LY86: variants seen among roughly 807,000 people sequenced by gnomAD.
LY86 encodes MD-1, RP105-associated.
A neutral mutation model predicts 17.3 loss-of-function variants in LY86; 20 were observed. That is an observed-to-expected ratio of 1.15 (90% CI 0.81 to 1.68). LY86 has a LOEUF of 1.68. Ranked by LOEUF, LY86 falls within the 40% of genes most tolerant of loss-of-function variation. The pLI is 0.00. For missense variants in LY86, 200 were observed against 191.9 expected, an observed-to-expected ratio of 1.04 and a Z score of -0.25; for synonymous variants, 74 against 70.6, an observed-to-expected ratio of 1.05 and a Z score of -0.24.
At chr6:6,601,828 G>C (rs951995626) in intron 1 of LY86, among the ~76,000 whole-genome samples, 1 of 152,166 alleles carries the variant, frequency 6.6e-6, no homozygotes, top group African/African-American at 2.4e-5. Flanking sequence ...ATTGCCATGT[G>C]GGAATGCAGT....
rs1561778079 is a variant in LY86 at position 6,603,624 on chromosome 6, A to AC, written c.136+14754_136+14755insC. Among the ~76,000 whole-genome samples, 20 of 135,840 alleles carry AC rather than the reference A, an allele frequency of 1.5e-4. 1 individual carries two copies. The highest frequency in any genetic ancestry group is 2.4e-4 in the Non-Finnish European group (15 of 62,090). 89.1% of individuals were successfully genotyped at this position (135,840 alleles called of 152,430 possible). A position where few individuals can be genotyped will look rare whatever the true frequency, so the allele number is the denominator to read the frequency against. ...GAAACAGAAAAAAAAACAAACAAAA[A>AC]AAAACAAAACACACACACACACACA... On this transcript the variant is annotated intron_variant, in intron 1 of 4. Coordinates refer to ENST00000230568, the MANE Select transcript of LY86 (RefSeq NM_004271.4).
At chr6:6,605,178 A>G (rs1309397568) in intron 1 of LY86, among the ~76,000 whole-genome samples, 1 of 152,216 alleles carries the variant, frequency 6.6e-6, no homozygotes, top group Non-Finnish European at 1.5e-5. Flanking sequence ...AATGATGATA[A>G]TGATGAATTT....
At chr6:6,634,283 C>T (rs893086014) in intron 3 of LY86, among the ~76,000 whole-genome samples, 2 of 152,228 alleles carry the variant, frequency 1.3e-5, no homozygotes, top group African/African-American at 4.8e-5. Flanking sequence ...TATGATGACA[C>T]CTTTTGCAAT....
intron 1 of LY86, among the ~76,000 whole-genome samples, chr6:6,601,267 GGA>G (rs1363928780): frequency 6.6e-6 from 1 of 152,146 alleles, no homozygotes; most frequent in African/African-American, 2.4e-5. Context: ...AACAGGCAAC[GGA>G]GAGAGAAGGC....
intron 1 of LY86, among the ~76,000 whole-genome samples, chr6:6,609,110 A>T (rs1761269494): frequency 1.3e-5 from 2 of 152,138 alleles, no homozygotes; most frequent in Non-Finnish European, 2.9e-5. Flanking sequence ...ATCCACCTGT[A>T]AGAGCTTGTA....
intron 1 of LY86, among the ~76,000 whole-genome samples, chr6:6,604,896 C>T (rs1365444517): frequency 6.6e-6 from 1 of 150,416 alleles, no homozygotes; most frequent in Non-Finnish European, 1.5e-5. Flanking sequence ...TATAGACTGA[C>T]AGCTGGCTCC....
intron 3 of LY86, among the ~76,000 whole-genome samples, chr6:6,627,769 A>G (rs1248615326): frequency 6.6e-6 from 1 of 152,170 alleles, no homozygotes; most frequent in African/African-American, 2.4e-5. Flanking sequence ...CAACCTTACA[A>G]GTTAATACTA....
At chr6:6,593,516 G>A (rs1192604987) in intron 1 of LY86, among the ~76,000 whole-genome samples, 1 of 152,220 alleles carries the variant, frequency 6.6e-6, no homozygotes, top group Non-Finnish European at 1.5e-5. Flanking sequence ...CCTACGCAAA[G>A]GGCTGTGTGA....
chr6:6,635,735 A>G (rs548736806), intron 3 of LY86, among the ~76,000 whole-genome samples: 1 of 152,210 alleles, frequency 6.6e-6, no homozygotes, highest in South Asian at 2.1e-4. Flanking sequence ...CAGTATCCCC[A>G]GTGACAAAGT....
intron 1 of LY86, among the ~76,000 whole-genome samples, chr6:6,613,820 C>G (rs1221322437): frequency 6.6e-6 from 1 of 152,252 alleles, no homozygotes; most frequent in Non-Finnish European, 1.5e-5. Context: ...CCCTTACTTT[C>G]CCTGCCTGAT....
At chr6:6,634,373 C>T (rs530238247) in intron 3 of LY86, among the ~76,000 whole-genome samples, 5 of 152,136 alleles carry the variant, frequency 3.3e-5, no homozygotes, top group Non-Finnish European at 5.9e-5. Flanking sequence ...ACTGTTTGAC[C>T]GAAGTGAGAA....
At chr6:6,594,588 C>A (rs896168479) in intron 1 of LY86, among the ~76,000 whole-genome samples, 1 of 152,202 alleles carries the variant, frequency 6.6e-6, no homozygotes, top group Admixed American at 6.5e-5. Flanking sequence ...TTAAACTCTT[C>A]GCCAGATCAG....
intron 1 of LY86, among the ~76,000 whole-genome samples, chr6:6,613,504 C>T (rs533997710): frequency 6.6e-6 from 1 of 152,314 alleles, no homozygotes; most frequent in South Asian, 2.1e-4. Flanking sequence ...CTAAGCTCCT[C>T]ACTGCCCGGG....
chr6:6,638,070 C>G (rs1191636025), intron 3 of LY86, among the ~76,000 whole-genome samples: 3 of 152,170 alleles, frequency 2.0e-5, no homozygotes, highest in African/African-American at 4.8e-5. Flanking sequence ...ATTTTCCCTG[C>G]TAGGCCCCGC....
intron 1 of LY86, among the ~76,000 whole-genome samples, chr6:6,615,088 A>G (rs903661979): frequency 6.6e-6 from 1 of 152,230 alleles, no homozygotes; most frequent in Non-Finnish European, 1.5e-5. Flanking sequence ...TAGACGTAGG[A>G]TCTCACGTTT....
Position 6,601,720 on chromosome 6 carries a change from G to GAA in LY86, c.136+12858_136+12859dup, listed in dbSNP as rs562610253. Among the ~76,000 whole-genome samples, 570 of 142,810 alleles carry GAA rather than the reference G, an allele frequency of 4.0e-3. 1 individual carries two copies. The highest frequency in any genetic ancestry group is 0.021 in the Middle Eastern group (6 of 286). The allele number at this position is 142,810 out of a possible 152,430, so 93.7% of individuals were successfully genotyped here. ...GGGAGACAGAGTGAGACACTGTCTC[G>GAA]AAAAAAAAAGAAAAAAAAAGAAATA... is the stretch of plus-strand genomic sequence containing the variant. On this transcript the variant is annotated intron_variant, in intron 1 of 4. Transcript: ENST00000230568.
chr6:6,605,629 T>A (rs546241626), intron 1 of LY86, among the ~76,000 whole-genome samples: 2 of 152,226 alleles, frequency 1.3e-5, no homozygotes, highest in African/African-American at 2.4e-5. Flanking sequence ...AGAAGCAACA[T>A]TCCAATGTTT....
At chr6:6,612,230 G>C (rs990766926) in intron 1 of LY86, among the ~76,000 whole-genome samples, 4 of 152,232 alleles carry the variant, frequency 2.6e-5, no homozygotes, top group South Asian at 4.1e-4. Flanking sequence ...TTCTTCAAGA[G>C]GGCGTGTCCA....
intron 1 of LY86, among the ~76,000 whole-genome samples, chr6:6,593,872 T>C (rs971005909): frequency 1.4e-4 from 22 of 152,174 alleles, no homozygotes; most frequent in Non-Finnish European, 1.5e-4. Context: ...TCAAGATACA[T>C]TCTGCAAAGG....
Sources: gnomAD v4.1 joint callset for allele counts (sites outside exome capture counted in the v4.1 genomes callset) on GRCh38, gnomAD v4.1.1 for gene constraint, MANE v1.5 for transcripts, NCBI Gene and HGNC (gene_info 2026-07-23, HGNC 2026-07-21) for gene names.